The following AGTPBP1 variants were observed in gnomAD, a reference collection of about 807,000 sequenced individuals.
AGTPBP1 encodes the protein cytosolic carboxypeptidase 1.
AGTPBP1 carries 70 observed loss-of-function variants against 143.9 expected under a neutral mutation model. The observed-to-expected ratio is 0.49, with a 90% CI of 0.40 to 0.59. The LOEUF (loss-of-function observed/expected upper bound fraction) is 0.59, where lower values mean the gene tolerates loss of function less well. Ranked by LOEUF, AGTPBP1 falls within the 20% of genes least tolerant of loss-of-function variation. The pLI is 0.00. For synonymous variants in AGTPBP1, 463 were observed against 500.2 expected, an observed-to-expected ratio of 0.93 and a Z score of 0.99; for missense variants, 1,229 against 1,464.5, an observed-to-expected ratio of 0.84 and a Z score of 2.62.
At chr9:85,746,211 A>G (rs1455968069), upstream of AGTPBP1, among the ~76,000 whole-genome samples, 1 of 152,074 alleles carries the variant, frequency 6.6e-6, no homozygotes, top group Non-Finnish European at 1.5e-5. Flanking sequence ...CCTGCTGCCT[A>G]TAAAATCTGC....
the AGTPBP1 span, among the ~76,000 whole-genome samples, chr9:85,797,093 T>C: frequency 2.0e-5 from 3 of 151,694 alleles, no homozygotes; most frequent in East Asian, 2.0e-4. Context: ...CTCTTTCTTC[T>C]TTCTTAAGTT....
At chr9:85,745,827 G>C (rs1190175064), upstream of AGTPBP1, among the ~76,000 whole-genome samples, 1 of 152,204 alleles carries the variant, frequency 6.6e-6, no homozygotes, top group African/African-American at 2.4e-5. Flanking sequence ...GACAGTGAGA[G>C]TATGGCAGCC....
At chr9:85,613,188 T>A (rs1830419928) in intron 17 of AGTPBP1, among the ~76,000 whole-genome samples, 1 of 151,908 alleles carries the variant, frequency 6.6e-6, no homozygotes, top group East Asian at 1.9e-4. Context: ...AATATTAAAA[T>A]TTGAAAGGGA....
At chr9:85,767,909 C>G in the AGTPBP1 span, among the ~76,000 whole-genome samples, 2 of 152,190 alleles carry the variant, frequency 1.3e-5, no homozygotes, top group African/African-American at 4.8e-5. Flanking sequence ...GTTAGAAATG[C>G]AGATCCTCAG....
At chr9:85,764,391 A>G in the AGTPBP1 span, among the ~76,000 whole-genome samples, 127,103 of 141,452 alleles carry the variant, frequency 0.9, 56,846 homozygotes, top group East Asian at 0.96. Context: ...TTAGCTGCAC[A>G]TGGTGATGAG....
In AGTPBP1 at chr9:85,741,778, C is replaced by A. The variant is rs1192966101; in HGVS notation, c.-37G>T. 3.0e-6 allele frequency: 4 copies of A among 1,344,736 alleles called. No homozygotes were observed. The African/African-American group carries it at 6.1e-5, about 21-fold the overall frequency. The allele number at this position is 1,344,736 out of a possible 1,614,324, so 83.3% of individuals were successfully genotyped here. On this transcript the variant is annotated 5_prime_UTR_variant, in exon 1 of 26. Coordinates refer to ENST00000357081, the MANE Select transcript of AGTPBP1 (RefSeq NM_001330701.2). ...AGGACTGCAGCAGGGCGCTCACCGG[C>A]TCAGGATGGGGCGCTGGCGGGGACC...
intron 17 of AGTPBP1, among the ~76,000 whole-genome samples, chr9:85,599,111 AC>A (rs1451389990): frequency 8.9e-5 from 1 of 11,230 alleles, no homozygotes. Context: ...TTGTCACTGA[AC>A]ACACACACAC....
intron 25 of AGTPBP1, among the ~76,000 whole-genome samples, chr9:85,551,273 T>C (rs958393721): frequency 6.6e-6 from 1 of 152,192 alleles, no homozygotes; most frequent in Non-Finnish European, 1.5e-5. Flanking sequence ...AATGGACAAA[T>C]ACAGGTATAC....
the AGTPBP1 span, among the ~76,000 whole-genome samples, chr9:85,777,248 G>A: frequency 3.9e-5 from 6 of 152,302 alleles, no homozygotes; most frequent in East Asian, 1.9e-4. Flanking sequence ...GAAGCATTGC[G>A]TGCAGGATAG....
intron 9 of AGTPBP1, among the ~76,000 whole-genome samples, chr9:85,658,163 C>T (rs950191922): frequency 5.9e-5 from 9 of 151,944 alleles, no homozygotes; most frequent in Admixed American, 5.9e-4. Context: ...TCTAATTACT[C>T]CACAATTATA....
chr9:85,666,543 G>T (rs1834145470), intron 8 of AGTPBP1, among the ~76,000 whole-genome samples: 2 of 151,990 alleles, frequency 1.3e-5, no homozygotes, highest in South Asian at 2.1e-4. Context: ...TAAAGTAAAA[G>T]ATTATTTTTC....
At chr9:85,775,946 C>A in the AGTPBP1 span, among the ~76,000 whole-genome samples, 4 of 152,152 alleles carry the variant, frequency 2.6e-5, no homozygotes, top group Non-Finnish European at 5.9e-5. Flanking sequence ...TACTTTGCAT[C>A]CTTCAATCCA....
In AGTPBP1 at chr9:85,631,548, T is replaced by C. The variant is rs78573134; in HGVS notation, c.2015+1114A>G. ...CAGGGAGGTAAGTCCCCCATTCTGA[T>C]GCTATGATGTACGGGATGACACGTC... On this transcript the variant is annotated intron_variant, in intron 14 of 25. Coordinates refer to ENST00000357081, the MANE Select transcript of AGTPBP1 (RefSeq NM_001330701.2). 7.9e-5 allele frequency among the ~76,000 whole-genome samples: 12 copies of C among 152,302 alleles called. No homozygotes were observed. The East Asian group carries it at 2.3e-3, about 29-fold the overall frequency.
chr9:85,742,990 C>G (rs963779492), upstream of AGTPBP1, among the ~76,000 whole-genome samples: 8 of 152,290 alleles, frequency 5.3e-5, no homozygotes, highest in East Asian at 1.2e-3. Context: ...CACAGTGCTT[C>G]TTACAGTTTG....
intron 8 of AGTPBP1, among the ~76,000 whole-genome samples, chr9:85,663,618 G>GA (rs530485264): frequency 0.019 from 2,587 of 139,668 alleles, 23 homozygotes; most frequent in Middle Eastern, 0.059. Flanking sequence ...AATGATGGGG[G>GA]AAAAAAAAAA....
the AGTPBP1 span, among the ~76,000 whole-genome samples, chr9:85,801,098 G>C: frequency 6.6e-6 from 1 of 152,032 alleles, no homozygotes; most frequent in Admixed American, 6.6e-5. Context: ...GATGACTTGA[G>C]GTCAGGAGTT....
At chr9:85,799,301 A>G in the AGTPBP1 span, among the ~76,000 whole-genome samples, 1 of 152,234 alleles carries the variant, frequency 6.6e-6, no homozygotes, top group South Asian at 2.1e-4. Context: ...ACGTGTGTGT[A>G]TGTCTTTATA....
chr9:85,576,016 A>T (rs184746049), intron 24 of AGTPBP1, among the ~76,000 whole-genome samples: 1 of 152,294 alleles, frequency 6.6e-6, no homozygotes, highest in African/African-American at 2.4e-5. Context: ...TGGTCAAATA[A>T]ATTCCTATGA....
chr9:85,649,279 G>A (rs1232757672), intron 11 of AGTPBP1, among the ~76,000 whole-genome samples: 1 of 152,154 alleles, frequency 6.6e-6, no homozygotes, highest in Non-Finnish European at 1.5e-5. Flanking sequence ...ATTCTATAAG[G>A]ACTGGGAAAG....
Sources: gnomAD v4.1 joint callset for allele counts (sites outside exome capture counted in the v4.1 genomes callset) on GRCh38, gnomAD v4.1.1 for gene constraint, MANE v1.5 for transcripts, NCBI Gene and HGNC (gene_info 2026-07-23, HGNC 2026-07-21) for gene names.